Variants in PNPLA7 observed in about 807,000 individuals in gnomAD.
PNPLA7 encodes patatin like domain 7, lysophospholipase.
A neutral mutation model predicts 161.7 loss-of-function variants in PNPLA7; 153 were observed. That is an observed-to-expected ratio of 0.95 (90% CI 0.83 to 1.08). PNPLA7 has a LOEUF of 1.08. Among genes scored for constraint, PNPLA7 ranks in the 50% least tolerant of loss-of-function variants. PNPLA7 has a pLI of 0.00. For synonymous variants in PNPLA7, 809 were observed against 782.1 expected (o/e 1.03, Z -0.57); for missense variants, 1,739 against 1,856.6 (o/e 0.94, Z 1.16).
intron 8 of PNPLA7, among the ~76,000 whole-genome samples, chr9:137,539,359 C>T (rs913137591): frequency 5.9e-5 from 9 of 151,844 alleles, no homozygotes; most frequent in Non-Finnish European, 1.5e-5. Context: ...AACAAACAAA[C>T]AAACAAAAAA....
chr9:137,546,785 G>A, intron 4 of PNPLA7, 45 bp downstream of exon 4: 1 of 1,588,206 alleles, frequency 6.3e-7, no homozygotes, highest in Admixed American at 1.7e-5. Flanking sequence ...ACAGGGGCCT[G>A]CTCGAGGAAG....
intron 14 of PNPLA7, among the ~76,000 whole-genome samples, chr9:137,503,839 G>GAAAAAGAAGGAAGA (rs1833699694): frequency 1.4e-4 from 2 of 14,448 alleles, no homozygotes; most frequent in African/African-American, 4.0e-4. Context: ...AAAGAAGCAA[G>GAAAAAGAAGGAAGA]AAGAAGAAGG....
intron 19 of PNPLA7, among the ~76,000 whole-genome samples, chr9:137,493,846 G>A (rs1466882677): frequency 6.6e-6 from 1 of 152,242 alleles, no homozygotes; most frequent in Non-Finnish European, 1.5e-5. Context: ...CCTGTGAGCT[G>A]CACTCACATG....
chr9:137,466,689 C>T (rs1485777760), intron 26 of PNPLA7, among the ~76,000 whole-genome samples: 7 of 147,094 alleles, frequency 4.8e-5, no homozygotes, highest in African/African-American at 1.8e-4. Context: ...CCACCACCAT[C>T]TCCATCACCT....
At chr9:137,534,961 A>G (rs2488592) in intron 8 of PNPLA7, among the ~76,000 whole-genome samples, 43,656 of 143,894 alleles carry the variant, frequency 0.3, 6,954 homozygotes, top group East Asian at 0.67. Flanking sequence ...CCAAACACCA[A>G]CACCAAGTCC....
In PNPLA7 at chr9:137,492,014, G is replaced by A. The variant is rs140483151; in HGVS notation, c.2197+999C>T. 41 of 985,452 alleles carry A rather than the reference G, an allele frequency of 4.2e-5. 1 individual carries two copies. In the East Asian group the frequency reaches 4.0e-3, roughly 95 times the overall value. The allele number at this position is 985,452 out of a possible 1,614,324, so 61.0% of individuals were successfully genotyped here. On this transcript the variant is annotated intron_variant, in intron 20 of 34. Coordinates refer to ENST00000406427, the MANE Select transcript of PNPLA7 (RefSeq NM_001098537.3). ...GCAGAGAGCAGCAGGCACAGAGGCA[G>A]AAGGCAGGAGAGAGGAGCTCCCAGA... is the stretch of plus-strand genomic sequence containing the variant.
At chr9:137,518,602 T>C (rs1298354706) in intron 11 of PNPLA7, among the ~76,000 whole-genome samples, 30 of 47,068 alleles carry the variant, frequency 6.4e-4, no homozygotes, top group African/African-American at 2.3e-3. Flanking sequence ...CTCCACTCTG[T>C]CCACTCCATC....
In PNPLA7 at chr9:137,529,969, AT is replaced by A. The variant is rs113648950; in HGVS notation, c.748-7113del. On this transcript the variant is annotated intron_variant, in intron 8 of 34. Coordinates refer to ENST00000406427, the MANE Select transcript of PNPLA7 (RefSeq NM_001098537.3). The stretch of plus-strand genomic sequence containing the variant: ...CCACCGCGCCCAGCCTGAAGTTTGA[AT>A]TTTTTTTTTCCTGAGATACAGTCTT... 6.0e-5 allele frequency among the ~76,000 whole-genome samples: 8 copies of A among 133,864 alleles called. No individual in the cohort carries two copies. In the East Asian group the frequency reaches 6.7e-4, roughly 11 times the overall value. The allele number at this position is 133,864 out of a possible 152,430, so 87.8% of individuals were successfully genotyped here.
chr9:137,502,703 C>CGGGGGACGGGGGGGACGGGGGGGACGGG (rs1564321541), intron 14 of PNPLA7, among the ~76,000 whole-genome samples: 1 of 11,192 alleles, frequency 8.9e-5, no homozygotes, highest in African/African-American at 5.8e-4. Context: ...GGGGGGGACG[C>CGGGGGACGGGGGGGACGGGGGGGACGGG]GGGGGACGCG....
At chr9:137,548,368 C>A (rs965831556) in intron 1 of PNPLA7, among the ~76,000 whole-genome samples, 1 of 152,206 alleles carries the variant, frequency 6.6e-6, no homozygotes, top group African/African-American at 2.4e-5. Flanking sequence ...ACTGGTTCAG[C>A]CTGAAAGTTT....
At chr9:137,521,244 A>G (rs975735396) in intron 10 of PNPLA7, among the ~76,000 whole-genome samples, 2 of 152,200 alleles carry the variant, frequency 1.3e-5, no homozygotes, top group African/African-American at 4.8e-5. Flanking sequence ...CCTACAGAAC[A>G]CAGGTGACCA....
intron 9 of PNPLA7, among the ~76,000 whole-genome samples, chr9:137,522,277 T>G (rs1564349740): frequency 6.6e-6 from 1 of 151,468 alleles, no homozygotes; most frequent in Non-Finnish European, 1.5e-5. Flanking sequence ...GGTTTCACCG[T>G]GTGAGCCAGG....
Position 137,498,179 on chromosome 9 carries a change from G to T in PNPLA7, c.1824C>A (p.Ser608=). ...GGGCAAAGTCGATTTGCCGCACGAA[G>T]GACGACATCCTCTTCACCACAGTGT... is the stretch of plus-strand genomic sequence containing the variant. ...VAHTVVKRMS[S]FVRQIDFALD... is the part of the protein sequence containing the mutation. Residue 608 remains serine (S), a synonymous_variant, in exon 17 of 35, where the codon TCC becomes TCA. Transcript: ENST00000406427. The T allele has an allele frequency of 6.2e-7, 1 of 1,612,924 alleles. No individual in the cohort carries two copies.
At position 137,540,595 on chromosome 9, in the gene PNPLA7, G is replaced by A. The variant is rs367770666; in HGVS notation, c.747+47C>T. The A allele has an allele frequency of 6.5e-6, 10 of 1,538,126 alleles. No homozygotes were observed. Among genetic ancestry groups the A allele is most frequent in the African/African-American group, 1.4e-5 (1 of 73,124 alleles). On this transcript the variant is annotated intron_variant, in intron 8 of 34. Transcript: ENST00000406427. The surrounding 1 kb of genome is among the most constrained non-coding windows in gnomAD (Gnocchi z 5.1). ...GACAAGACAGAAAAACCAGGCCTCCGGGGCCAACCCAGGGGCGCCCGGAGG... is the reference window on the plus strand; with the variant it reads ...GACAAGACAGAAAAACCAGGCCTCCAGGGCCAACCCAGGGGCGCCCGGAGG...
In PNPLA7 at chr9:137,541,594, C is replaced by A. The variant is rs1836206377; in HGVS notation, c.667-872G>T. The A allele has an allele frequency of 1.6e-6, 1 of 641,736 alleles. No individual in the cohort carries two copies. The highest frequency in any genetic ancestry group is 1.9e-6 in the Non-Finnish European group (1 of 515,704). 39.8% of individuals were successfully genotyped at this position (641,736 alleles called of 1,614,324 possible). ...GCTGAGTGCGTGCTTTAAATGAGAA[C>A]AAGCAATGGGAAGTCTGGGTCGCAA... On this transcript the variant is annotated intron_variant, in intron 7 of 34. Coordinates refer to ENST00000406427, the MANE Select transcript of PNPLA7 (RefSeq NM_001098537.3). The surrounding 1 kb of genome is among the most constrained non-coding windows in gnomAD (Gnocchi z 4.4).
At chr9:137,493,520 T>C (rs1458581052) in intron 19 of PNPLA7, among the ~76,000 whole-genome samples, 2 of 152,208 alleles carry the variant, frequency 1.3e-5, no homozygotes, top group African/African-American at 4.8e-5. Flanking sequence ...CAGGGCACGG[T>C]TGGGGACATT....
At position 137,468,386 on chromosome 9, in the gene PNPLA7, G is replaced by A. The variant is rs937336697; in HGVS notation, c.2883-913C>T. On this transcript the variant is annotated intron_variant, in intron 25 of 34. Transcript: ENST00000406427. The surrounding 1 kb of genome is among the most constrained non-coding windows in gnomAD (Gnocchi z 4.0). The stretch of plus-strand genomic sequence containing the variant: ...AAAGTGGGCCCAGAGTGCCTCCCAG[G>A]TAAGAGATACAGACACAGGCTTTTA... Among the ~76,000 whole-genome samples, 2 of 152,206 alleles carry A rather than the reference G, an allele frequency of 1.3e-5. No homozygotes were observed. The highest frequency in any genetic ancestry group is 2.9e-5 in the Non-Finnish European group (2 of 68,042).
chr9:137,522,286 G>A (rs987126826), intron 9 of PNPLA7, among the ~76,000 whole-genome samples: 6 of 149,808 alleles, frequency 4.0e-5, no homozygotes, highest in East Asian at 1.9e-4. Flanking sequence ...GTGTGAGCCA[G>A]GATGGTCTCG....
chr9:137,541,322 C>T lies in PNPLA7; in HGVS notation c.667-600G>A, dbSNP rs528438055. On this transcript the variant is annotated intron_variant, in intron 7 of 34. Transcript: ENST00000406427. This position sits in a 1 kb window ranked among gnomAD's most constrained non-coding sequence, Gnocchi z 4.4. ...GAAAGCCGCTGCTTCACCAGCTGGG[C>T]GGCCTCATCCCCAGGAGCTACTGGC... 1.5e-5 allele frequency: 9 copies of T among 619,378 alleles called. No individual in the cohort carries two copies. Among genetic ancestry groups the T allele is most frequent in the East Asian group, 1.4e-4 (1 of 7,116 alleles). The allele number at this position is 619,378 out of a possible 1,614,324, so 38.4% of individuals were successfully genotyped here.
Sources: allele counts gnomAD v4.1 joint callset (sites outside exome capture counted in the v4.1 genomes callset), GRCh38; gene constraint gnomAD v4.1.1; non-coding constraint Gnocchi (gnomAD v3.1); transcripts MANE v1.5; gene names NCBI Gene and HGNC (gene_info 2026-07-23, HGNC 2026-07-21).